Variants in MCTP1 observed in about 807,000 individuals in gnomAD.
MCTP1 encodes the protein multiple C2 and transmembrane domain-containing protein 1.
MCTP1 carries 69 observed loss-of-function variants against 120.6 expected under a neutral mutation model. That is an observed-to-expected ratio of 0.57 (90% confidence interval 0.47 to 0.70). The LOEUF is 0.70. MCTP1 is among the 30% of genes least tolerant of loss of function. MCTP1 has a pLI of 0.00. For missense variants in MCTP1, 1,203 were observed against 1,248.8 expected (o/e 0.96, Z 0.55); for synonymous variants, 529 against 493.1 (o/e 1.07, Z -0.96).
chr5:94,952,171 C>CAAAAAAAAAAAAA (rs57358026), intron 3 of MCTP1, among the ~76,000 whole-genome samples: 4,243 of 87,524 alleles, frequency 0.048, 677 homozygotes, highest in Non-Finnish European at 0.053. Context: ...GACTTTGTCG[C>CAAAAAAAAAAAAA]AAAAAAAAAA....
intron 6 of MCTP1, chr5:94,931,269 A>T (rs1222235081): frequency 1.3e-5 from 2 of 152,202 alleles, no homozygotes; most frequent in African/African-American, 4.8e-5. Context: ...AAATTTGAGC[A>T]GACAAGATTT....
intron 17 of MCTP1, among the ~76,000 whole-genome samples, chr5:94,821,125 C>G (rs959369985): frequency 6.6e-6 from 1 of 152,122 alleles, no homozygotes; most frequent in African/African-American, 2.4e-5. Context: ...GTTGCTTTGA[C>G]GGAACTGCAT....
In MCTP1 at chr5:94,759,511, T is replaced by C. The variant is rs151310258; in HGVS notation, c.2610+19599A>G. On this transcript the variant is annotated intron_variant, in intron 19 of 22. Transcript: ENST00000515393. ...AATGTAATACTATACATATGATAGT[T>C]ATATATAAATAGTAACATTAAAAAG... 2.0e-5 allele frequency among the ~76,000 whole-genome samples: 3 copies of C among 150,718 alleles called. 1 individual carries two copies. The highest frequency in any genetic ancestry group is 2.0e-4 in the Admixed American group (3 of 15,256).
Position 94,706,025 on chromosome 5 carries a change from C to CTT in MCTP1, c.*1469_*1470dup, listed in dbSNP as rs1355406188. On this transcript the variant is annotated 3_prime_UTR_variant, in exon 23 of 23. Transcript: ENST00000515393. Reference sequence around the variant, plus strand: ...ACAACTTATCTCTAAAATAAAAATACTTTAAAAATCAGCTTCAATGAGATT... The same window carrying CTT: ...ACAACTTATCTCTAAAATAAAAATACTTTTTAAAAATCAGCTTCAATGAGATT... The CTT allele has an allele frequency of 6.6e-6, 1 of 151,506 alleles. No homozygotes were observed. Among genetic ancestry groups the CTT allele is most frequent in the Non-Finnish European group, 1.5e-5 (1 of 67,698 alleles). The allele number at this position is 151,506 out of a possible 1,614,324, so 9.4% of individuals were successfully genotyped here. A position where few individuals can be genotyped will look rare whatever the true frequency, so the allele number is the denominator to read the frequency against.
At chr5:94,877,391 T>C (rs1000983617) in intron 12 of MCTP1, among the ~76,000 whole-genome samples, 8 of 152,114 alleles carry the variant, frequency 5.3e-5, no homozygotes, top group South Asian at 2.1e-4. Flanking sequence ...TTTTTTCCTA[T>C]GGATCTTTGT....
intron 1 of MCTP1, among the ~76,000 whole-genome samples, chr5:95,133,409 T>C (rs6888592): frequency 0.47 from 71,626 of 152,144 alleles, 16,920 homozygotes; most frequent in Middle Eastern, 0.59. Context: ...CAGTGGCTCA[T>C]GCCTGTAATC....
intron 19 of MCTP1, among the ~76,000 whole-genome samples, chr5:94,768,054 A>G (rs1294946672): frequency 6.6e-6 from 1 of 152,190 alleles, no homozygotes; most frequent in Non-Finnish European, 1.5e-5. Flanking sequence ...ATTAAAACAG[A>G]CACATCAACT....
At chr5:95,123,941 G>A (rs1462422420) in intron 1 of MCTP1, among the ~76,000 whole-genome samples, 1 of 152,090 alleles carries the variant, frequency 6.6e-6, no homozygotes, top group Non-Finnish European at 1.5e-5. Context: ...GAGCCACTAC[G>A]CCTGGCCAAC....
chr5:94,818,009 A>AGGAT (rs1379099387), intron 17 of MCTP1, among the ~76,000 whole-genome samples: 1 of 152,224 alleles, frequency 6.6e-6, no homozygotes, highest in Non-Finnish European at 1.5e-5. Context: ...AATCGGTTCA[A>AGGAT]GGATGGGCAA....
At chr5:95,001,343 G>A (rs575538239) in intron 2 of MCTP1, among the ~76,000 whole-genome samples, 8 of 152,288 alleles carry the variant, frequency 5.3e-5, no homozygotes, top group African/African-American at 1.7e-4. Flanking sequence ...TTTGGAACTC[G>A]GTAATCAGCA....
intron 18 of MCTP1, among the ~76,000 whole-genome samples, chr5:94,786,176 A>T (rs1219853775): frequency 6.6e-6 from 1 of 152,174 alleles, no homozygotes; most frequent in Non-Finnish European, 1.5e-5. Context: ...TATTTTAAGC[A>T]ATCTGTTTTG....
At chr5:94,985,000 A>T (rs1401829129) in intron 2 of MCTP1, among the ~76,000 whole-genome samples, 1 of 152,214 alleles carries the variant, frequency 6.6e-6, no homozygotes, top group East Asian at 1.9e-4. Context: ...CATTTTAAGT[A>T]CTATACAAAA....
rs1561494771 is a variant in MCTP1 at position 94,706,308 on chromosome 5, C to CTACT, written c.*1184_*1187dup. On this transcript the variant is annotated 3_prime_UTR_variant, in exon 23 of 23. Transcript: ENST00000515393. ...TATACCAGGGAGTGAGATATAAAAA[C>CTACT]TACTTTAAGAGTCTTGGGAATGCAA... The CTACT allele has an allele frequency of 6.6e-6, 1 of 151,606 alleles. No homozygotes were observed. Among genetic ancestry groups the CTACT allele is most frequent in the East Asian group, 1.9e-4 (1 of 5,156 alleles). The allele number at this position is 151,606 out of a possible 1,614,324, so 9.4% of individuals were successfully genotyped here. A position where few individuals can be genotyped will look rare whatever the true frequency, so the allele number is the denominator to read the frequency against.
At chr5:95,082,834 AG>A (rs1474152824) in intron 1 of MCTP1, among the ~76,000 whole-genome samples, 2 of 152,156 alleles carry the variant, frequency 1.3e-5, no homozygotes, top group African/African-American at 4.8e-5. Flanking sequence ...GCATAGGCCT[AG>A]GGTTCAAGGC....
rs866579107 is a variant in MCTP1 at position 95,201,503 on chromosome 5, T to G, written c.720+82353A>C. The stretch of plus-strand genomic sequence containing the variant: ...TTTTTTTTTTTTTTTTTTTTTTTTT[T>G]TTTTTTTTTTTTTTTTTTTGAGACA... On this transcript the variant is annotated intron_variant, in intron 1 of 22. Coordinates refer to ENST00000515393, the MANE Select transcript of MCTP1 (RefSeq NM_024717.7). 5.1e-3 allele frequency among the ~76,000 whole-genome samples: 172 copies of G among 33,844 alleles called. 11 individuals are homozygous for G. Among genetic ancestry groups the G allele is most frequent in the African/African-American group, 0.019 (146 of 7,718 alleles). 22.2% of individuals were successfully genotyped at this position (33,844 alleles called of 152,430 possible).
At chr5:95,245,900 GA>G (rs1183626167) in intron 1 of MCTP1, among the ~76,000 whole-genome samples, 5 of 152,152 alleles carry the variant, frequency 3.3e-5, no homozygotes, top group African/African-American at 9.7e-5. Context: ...AGGTTGAAAT[GA>G]AGGAAAAAAT....
At chr5:95,221,121 C>G (rs1043775662) in intron 1 of MCTP1, among the ~76,000 whole-genome samples, 4 of 152,182 alleles carry the variant, frequency 2.6e-5, no homozygotes, top group African/African-American at 9.7e-5. Context: ...AACATGCCAG[C>G]CAGAATTGTT....
intron 10 of MCTP1, among the ~76,000 whole-genome samples, chr5:94,900,399 G>T (rs754130186): frequency 6.6e-6 from 1 of 152,198 alleles, no homozygotes; most frequent in Admixed American, 6.5e-5. Flanking sequence ...TATGGACAAG[G>T]AAATGGAGGC....
rs139852488 is a variant in MCTP1, at chr5:94,917,934, T to C, written c.1312A>G (p.Arg438Gly). The change falls in exon 8 of 23, where the codon AGA becomes GGA. Residue 438 changes from arginine (R) to glycine (G), a missense_variant. Physicochemically the swap from Arg to Gly is moderately radical, Grantham distance 125 (BLOSUM62 -2). Transcript: ENST00000515393. Reference protein sequence around the residue: ...RPALPVLGFCRAELQNPYCKN... With the variant: ...RPALPVLGFCGAELQNPYCKN... The stretch of plus-strand genomic sequence containing the variant: ...CAATAAGGATTCTGAAGCTCTGCTC[T>C]GCAGAAGCCCAGGACAGGAAGAGCT... 4.0e-4 allele frequency: 650 copies of C among 1,614,040 alleles called. 3 individuals are homozygous for C. The South Asian group carries it at 4.3e-3, about 11-fold the overall frequency.
Sources: gnomAD v4.1 joint callset for allele counts (sites outside exome capture counted in the v4.1 genomes callset) on GRCh38, gnomAD v4.1.1 for gene constraint, MANE v1.5 for transcripts, NCBI Gene and HGNC (gene_info 2026-07-23, HGNC 2026-07-21) for gene names.